SPMAP2L: variants seen among roughly 807,000 people sequenced by gnomAD.
The protein encoded by SPMAP2L is sperm microtubule associated protein 2-like.
At chr4:56,594,469 A>C in the SPMAP2L span, 1 of 1,606,120 alleles carries the variant, frequency 6.2e-7, no homozygotes, top group Non-Finnish European at 8.5e-7. Flanking sequence ...ATTTGTGTGA[A>C]CTCACAGGTT....
the SPMAP2L span, among the ~76,000 whole-genome samples, chr4:56,596,166 C>T: frequency 3.9e-5 from 6 of 152,162 alleles, no homozygotes; most frequent in Admixed American, 3.9e-4. Flanking sequence ...TCTAATATGC[C>T]TAATCTGTAA....
the SPMAP2L span, among the ~76,000 whole-genome samples, chr4:56,577,439 T>G: frequency 2.6e-5 from 4 of 152,114 alleles, no homozygotes; most frequent in Admixed American, 2.0e-4. Context: ...CAATATAGAC[T>G]TTAAGACAAA....
the SPMAP2L span, among the ~76,000 whole-genome samples, chr4:56,610,661 A>G: frequency 6.6e-6 from 1 of 152,244 alleles, no homozygotes; most frequent in Non-Finnish European, 1.5e-5. Flanking sequence ...CAGAGTAAAC[A>G]GACAACCCAC....
chr4:56,585,481 C>T, the SPMAP2L span, among the ~76,000 whole-genome samples: 2 of 152,116 alleles, frequency 1.3e-5, no homozygotes, highest in African/African-American at 2.4e-5. Context: ...ATAGTTGGGA[C>T]TACAGGTGTC....
chr4:56,534,772 C>CA, the SPMAP2L span, among the ~76,000 whole-genome samples: 180 of 151,768 alleles, frequency 1.2e-3, no homozygotes, highest in South Asian at 2.9e-3. Flanking sequence ...GCTAAAAATA[C>CA]AAAAAAAATA....
chr4:56,531,260 G>T, the SPMAP2L span: 9 of 1,424,776 alleles, frequency 6.3e-6, 1 homozygote, highest in South Asian at 1.0e-4. Context: ...CTAGAACCGG[G>T]GGTCCTAAGG....
chr4:56,544,507 T>C, the SPMAP2L span, among the ~76,000 whole-genome samples: 1 of 152,212 alleles, frequency 6.6e-6, no homozygotes, highest in African/African-American at 2.4e-5. Context: ...GGAATAAACT[T>C]TGAAGAGGCG....
the SPMAP2L span, among the ~76,000 whole-genome samples, chr4:56,547,879 G>A: frequency 2.0e-5 from 3 of 152,074 alleles, no homozygotes; most frequent in African/African-American, 7.2e-5. Context: ...TTTTTCATTA[G>A]CTTAACCATT....
the SPMAP2L span, among the ~76,000 whole-genome samples, chr4:56,545,923 G>A: frequency 1.3e-5 from 2 of 151,902 alleles, no homozygotes; most frequent in African/African-American, 4.8e-5. Context: ...CTCCTGAGTC[G>A]CTGGGATTAC....
At chr4:56,568,040 CTA>C in the SPMAP2L span, among the ~76,000 whole-genome samples, 1 of 152,132 alleles carries the variant, frequency 6.6e-6, no homozygotes, top group Non-Finnish European at 1.5e-5. Flanking sequence ...TTATTTCTCT[CTA>C]TGTCTTCATT....
the SPMAP2L span, among the ~76,000 whole-genome samples, chr4:56,537,399 T>C: frequency 6.6e-6 from 1 of 152,232 alleles, no homozygotes; most frequent in South Asian, 2.1e-4. Flanking sequence ...CTCCTGGACA[T>C]CTCCATTTGC....
the SPMAP2L span, among the ~76,000 whole-genome samples, chr4:56,558,703 C>T: frequency 3.3e-5 from 5 of 152,172 alleles, no homozygotes; most frequent in African/African-American, 9.7e-5. Context: ...ATATTTACCC[C>T]TATCCAAAGA....
chr4:56,579,922 G>A, the SPMAP2L span, among the ~76,000 whole-genome samples: 1 of 152,142 alleles, frequency 6.6e-6, no homozygotes, highest in African/African-American at 2.4e-5. Flanking sequence ...TGTAACAAGT[G>A]AAGCGATTGA....
At chr4:56,592,829 C>A in the SPMAP2L span, among the ~76,000 whole-genome samples, 1 of 152,110 alleles carries the variant, frequency 6.6e-6, no homozygotes. Context: ...GCGCCTTCTG[C>A]CCAGACACGA....
the SPMAP2L span, among the ~76,000 whole-genome samples, chr4:56,622,884 G>A: frequency 2.0e-5 from 3 of 152,026 alleles, no homozygotes; most frequent in Non-Finnish European, 2.9e-5. Context: ...CCCCCAACTC[G>A]GCTGGTGGAA....
the SPMAP2L span, among the ~76,000 whole-genome samples, chr4:56,572,042 A>AT: frequency 4.6e-5 from 7 of 152,126 alleles, no homozygotes; most frequent in East Asian, 1.2e-3. Context: ...TTTACAGTTA[A>AT]TTTTTTTTAT....
chr4:56,566,317 G>C, the SPMAP2L span, among the ~76,000 whole-genome samples: 10 of 152,088 alleles, frequency 6.6e-5, no homozygotes, highest in Admixed American at 5.2e-4. Flanking sequence ...TCTTCCCTCA[G>C]CCTCCCAAGT....
chr4:56,547,796 T>C, the SPMAP2L span, among the ~76,000 whole-genome samples: 1 of 152,208 alleles, frequency 6.6e-6, no homozygotes, highest in Non-Finnish European at 1.5e-5. Flanking sequence ...TCCATCATTA[T>C]AAGGCCTATG....
the SPMAP2L span, chr4:56,603,218 G>C: frequency 3.3e-6 from 5 of 1,529,434 alleles, no homozygotes; most frequent in Non-Finnish European, 4.4e-6. Flanking sequence ...GGGCTCCTGT[G>C]CGTATTGTGT....
Sources: gnomAD v4.1 joint callset for allele counts (sites outside exome capture counted in the v4.1 genomes callset) on GRCh38, gnomAD v4.1.1 for gene constraint, MANE v1.5 for transcripts, NCBI Gene and HGNC (gene_info 2026-07-23, HGNC 2026-07-21) for gene names.